The following FRMD3 variants were observed in gnomAD, a reference collection of about 807,000 sequenced individuals.
FRMD3 encodes FERM domain-containing protein 3.
In FRMD3, 33 loss-of-function variants were observed where a neutral mutation model predicts 70.2. The ratio of observed to expected loss-of-function variants is 0.47; its 90% CI spans 0.36 to 0.63. The LOEUF is 0.63. Ranked by LOEUF, FRMD3 falls within the 20% of genes least tolerant of loss-of-function variation. FRMD3 has a pLI of 0.00. For missense variants in FRMD3, 632 were observed against 711.4 expected, an observed-to-expected ratio of 0.89 and a Z score of 1.27; for synonymous variants, 279 against 255.9, an observed-to-expected ratio of 1.09 and a Z score of -0.86.
chr9:83,322,179 G>A (rs1190760975), intron 6 of FRMD3, among the ~76,000 whole-genome samples: 1 of 151,956 alleles, frequency 6.6e-6, no homozygotes, highest in Non-Finnish European at 1.5e-5. Context: ...TCTCACAGCA[G>A]CCCATTGCAG....
chr9:83,585,522 G>A, the FRMD3 span, among the ~76,000 whole-genome samples: 1 of 152,114 alleles, frequency 6.6e-6, no homozygotes, highest in Non-Finnish European at 1.5e-5. Context: ...TTTGACCAAT[G>A]GAGTGTAAGC....
intron 1 of FRMD3, among the ~76,000 whole-genome samples, chr9:83,506,839 C>T (rs1405958150): frequency 6.6e-6 from 1 of 152,154 alleles, no homozygotes; most frequent in Non-Finnish European, 1.5e-5. Context: ...TGTACAGCTG[C>T]ACATAATATT....
chr9:83,509,211 T>A (rs1225795694), intron 1 of FRMD3, among the ~76,000 whole-genome samples: 5 of 152,220 alleles, frequency 3.3e-5, no homozygotes, highest in African/African-American at 1.2e-4. Context: ...CACTTATGTG[T>A]TGAATTGATG....
chr9:83,487,495 G>A (rs11140115), intron 1 of FRMD3, among the ~76,000 whole-genome samples: 21,303 of 152,076 alleles, frequency 0.14, 1,662 homozygotes, highest in East Asian at 0.32. Flanking sequence ...GAAGCCATAG[G>A]TGGGATGAAA....
chr9:83,336,081 T>A (rs1361937805), intron 5 of FRMD3, among the ~76,000 whole-genome samples: 2 of 152,128 alleles, frequency 1.3e-5, no homozygotes, highest in African/African-American at 2.4e-5. Flanking sequence ...ATACAGGATT[T>A]CAGTTAGATA....
chr9:83,535,018 C>T (rs1410194886), intron 1 of FRMD3, among the ~76,000 whole-genome samples: 1 of 152,200 alleles, frequency 6.6e-6, no homozygotes, highest in Non-Finnish European at 1.5e-5. Context: ...CAAAGACATA[C>T]ATAAGCTTTG....
chr9:83,262,753 T>C (rs549600450), intron 13 of FRMD3, among the ~76,000 whole-genome samples: 1 of 152,282 alleles, frequency 6.6e-6, no homozygotes, highest in East Asian at 1.9e-4. Context: ...TGCACCCAGA[T>C]AGCTCTTACT....
chr9:83,428,878 T>C (rs1826890190), intron 1 of FRMD3, among the ~76,000 whole-genome samples: 1 of 152,074 alleles, frequency 6.6e-6, no homozygotes, highest in Non-Finnish European at 1.5e-5. Context: ...ATCTTGATAA[T>C]GATGTAAGCA....
chr9:83,277,696 CAAGAG>C (rs752463061), intron 13 of FRMD3, among the ~76,000 whole-genome samples: 1 of 152,168 alleles, frequency 6.6e-6, no homozygotes, highest in East Asian at 1.9e-4. Flanking sequence ...AAAAACATAA[CAAGAG>C]AGCATGCTTG....
At chr9:83,294,303 A>C (rs1834568864) in intron 12 of FRMD3, among the ~76,000 whole-genome samples, 1 of 152,134 alleles carries the variant, frequency 6.6e-6, no homozygotes, top group Non-Finnish European at 1.5e-5. Context: ...CCAGCTTCTA[A>C]AACTGTGAGA....
At chr9:83,427,616 A>C (rs1826848321) in intron 1 of FRMD3, among the ~76,000 whole-genome samples, 1 of 152,150 alleles carries the variant, frequency 6.6e-6, no homozygotes, top group South Asian at 2.1e-4. Flanking sequence ...AGTATTAGTT[A>C]ATGTTAGTAT....
intron 1 of FRMD3, among the ~76,000 whole-genome samples, chr9:83,505,052 T>G (rs1218270658): frequency 1.3e-5 from 2 of 152,152 alleles, no homozygotes; most frequent in African/African-American, 4.8e-5. Context: ...AAAAAAATGT[T>G]CATGCATTTA....
chr9:83,301,888 T>C (rs1349053974), intron 10 of FRMD3, among the ~76,000 whole-genome samples: 1 of 152,278 alleles, frequency 6.6e-6, no homozygotes, highest in African/African-American at 2.4e-5. Flanking sequence ...ACTGTGCGTC[T>C]TTCTGGCTGC....
chr9:83,584,973 A>G, the FRMD3 span, among the ~76,000 whole-genome samples: 2 of 152,210 alleles, frequency 1.3e-5, no homozygotes, highest in Non-Finnish European at 2.9e-5. Flanking sequence ...AACAAGAATA[A>G]AGCATTTCAA....
chr9:83,364,895 G>A (rs1490575429), intron 3 of FRMD3, among the ~76,000 whole-genome samples: 1 of 152,124 alleles, frequency 6.6e-6, no homozygotes, highest in Non-Finnish European at 1.5e-5. Flanking sequence ...TCTGCCCCTT[G>A]TATGTATGAA....
intron 1 of FRMD3, among the ~76,000 whole-genome samples, chr9:83,434,470 G>A (rs1827073175): frequency 6.6e-6 from 1 of 152,168 alleles, no homozygotes. Flanking sequence ...TGCACACAAA[G>A]CTCCCAGCAG....
intron 10 of FRMD3, among the ~76,000 whole-genome samples, chr9:83,302,056 T>C (rs1834949453): frequency 6.6e-6 from 1 of 152,152 alleles, no homozygotes; most frequent in African/African-American, 2.4e-5. Context: ...CAGTTTATTC[T>C]GAGAGCTCAA....
chr9:83,536,102 T>TG (rs912007318), intron 1 of FRMD3, among the ~76,000 whole-genome samples: 3 of 152,170 alleles, frequency 2.0e-5, no homozygotes, highest in African/African-American at 7.2e-5. Flanking sequence ...AATTGTAATT[T>TG]GGGGGCAGAA....
intron 1 of FRMD3, among the ~76,000 whole-genome samples, chr9:83,442,554 A>G (rs1827332675): frequency 6.6e-6 from 1 of 151,982 alleles, no homozygotes; most frequent in Non-Finnish European, 1.5e-5. Flanking sequence ...TACACAGGAG[A>G]AAAATAAGGT....
Sources: allele counts gnomAD v4.1 joint callset (sites outside exome capture counted in the v4.1 genomes callset), GRCh38; gene constraint gnomAD v4.1.1; transcripts MANE v1.5; gene names NCBI Gene and HGNC (gene_info 2026-07-23, HGNC 2026-07-21).